SORBS3: variants seen among roughly 807,000 people sequenced by gnomAD.
SORBS3 encodes vinexin.
A neutral mutation model predicts 98.0 loss-of-function variants in SORBS3; 69 were observed. That is an observed-to-expected ratio of 0.70 (90% confidence interval 0.58 to 0.86). The LOEUF (loss-of-function observed/expected upper bound fraction) is 0.86. Among genes scored for constraint, SORBS3 ranks in the 40% least tolerant of loss-of-function variants. The pLI, the probability that SORBS3 is intolerant of heterozygous loss-of-function variation, is 0.00. For missense variants in SORBS3, 954 were observed against 908.5 expected (o/e 1.05, Z -0.64); for synonymous variants, 394 against 355.4 (o/e 1.11, Z -1.22).
At position 22,572,751 on chromosome 8, in the gene SORBS3, C is replaced by T. The variant is rs1278758498; in HGVS notation, c.1954+305C>T. ...TCCAGAGCTCTGCCTCTTCCTCCTG[C>T]ACACCCCTGCCTCGAGCAGCCCTGG... is the stretch of plus-strand genomic sequence containing the variant. On this transcript the variant is annotated intron_variant, in intron 20 of 20. Transcript: ENST00000240123. Among the ~76,000 whole-genome samples the T allele has an allele frequency of 3.3e-5, 5 of 152,218 alleles. No individual in the cohort carries two copies. The East Asian group carries it at 9.6e-4, about 29-fold the overall frequency.
Position 22,569,153 on chromosome 8 carries a change from G to T in SORBS3, c.1311G>T (p.Leu437=), listed in dbSNP as rs778971037. The change falls in exon 17 of 21, where the codon CTG becomes CTT. Residue 437 remains leucine (L), a synonymous_variant. Coordinates refer to ENST00000240123, the MANE Select transcript of SORBS3 (RefSeq NM_005775.5). ...CATGACCTTTCTTCATGCAGGTGCT[G>T]CCCGCAGATGAGATCCCTAAGCCCA... ...GIFPANYVEV[L]PADEIPKPIK... is the part of the protein sequence containing the mutation. 59 of 1,603,268 alleles carry T rather than the reference G, an allele frequency of 3.7e-5. No homozygotes were observed. The highest frequency in any genetic ancestry group is 4.9e-5 in the Non-Finnish European group (57 of 1,174,730).
At chr8:22,568,992 C>T (rs1281293826) in intron 16 of SORBS3, among the ~76,000 whole-genome samples, 156 bp from the exon 17 acceptor site, 1 of 152,260 alleles carries the variant, frequency 6.6e-6, no homozygotes, top group Non-Finnish European at 1.5e-5. Context: ...TTTGGCTGTG[C>T]CCACCCGTGG....
At chr8:22,565,491 C>T (rs1840389063) in intron 11 of SORBS3, 137 bp downstream of exon 11, 2 of 672,154 alleles carry the variant, frequency 3.0e-6, no homozygotes, top group Non-Finnish European at 2.2e-6. Flanking sequence ...CGGCCTCGGG[C>T]CCTCCTGGGC....
chr8:22,565,809 G>A lies in SORBS3; in HGVS notation c.904-17G>A, dbSNP rs984848182. ...TCCCGGGGTCGCGGGCCCTGATTGC[G>A]CCGTTTCCCCGCGCAGAGCTCGCCG... On this transcript the variant is annotated splice_polypyrimidine_tract_variant and intron_variant, in intron 11 of 20. Transcript: ENST00000240123. 62 of 1,316,674 alleles carry A rather than the reference G, an allele frequency of 4.7e-5. No individual in the cohort carries two copies. In the African/African-American group the frequency reaches 8.2e-4, roughly 17 times the overall value. The allele number at this position is 1,316,674 out of a possible 1,614,324, so 81.6% of individuals were successfully genotyped here.
intron 18 of SORBS3, 31 bp from the exon 19 acceptor site, chr8:22,571,660 TTACATGTACCCATCGTCTTCCTCCCTC>T (rs1463525618): frequency 7.4e-7 from 1 of 1,356,290 alleles, no homozygotes; most frequent in South Asian, 1.2e-5. Flanking sequence ...TCCCTCAGGC[TTACATGTACCCATCGTCTTCCTCCCTC>T]TGACATCCCT....
At chr8:22,564,582 T>C (rs1840365950) in intron 10 of SORBS3, 61 bp downstream of exon 10, 2 of 1,601,500 alleles carry the variant, frequency 1.2e-6, no homozygotes, top group African/African-American at 1.3e-5. Flanking sequence ...AGGGTTTTGG[T>C]GGCCCCAGTA....
intron 17 of SORBS3, 91 bp downstream of exon 17, chr8:22,569,364 A>G (rs1392866269): frequency 5.3e-6 from 6 of 1,126,210 alleles, no homozygotes; most frequent in South Asian, 5.3e-5. Flanking sequence ...TTTTTGAGAC[A>G]GAGTCTCACT....
chr8:22,565,573 C>A, intron 11 of SORBS3: 1 of 635,422 alleles, frequency 1.6e-6, no homozygotes, highest in Non-Finnish European at 2.2e-6. Flanking sequence ...AGGAGCCTTT[C>A]TAAGCGGACT....
intron 16 of SORBS3, among the ~76,000 whole-genome samples, chr8:22,568,764 A>C (rs1465834971): frequency 6.6e-6 from 1 of 152,196 alleles, no homozygotes; most frequent in East Asian, 1.9e-4. Context: ...AGCAGTGAGA[A>C]AAGGGTGAAT....
At chr8:22,562,651 C>G (rs1840319580) in intron 7 of SORBS3, among the ~76,000 whole-genome samples, 1 of 152,184 alleles carries the variant, frequency 6.6e-6, no homozygotes, top group Non-Finnish European at 1.5e-5. Flanking sequence ...TGGGTTTAAG[C>G]CTGTGCACTG....
At chr8:22,545,224 T>A (rs765564393) in intron 1 of SORBS3, 1 of 152,470 alleles carries the variant, frequency 6.6e-6, no homozygotes, top group Admixed American at 6.5e-5. Context: ...CCACAGTCCC[T>A]TTCAGTATTG....
Position 22,575,187 on chromosome 8 carries a change from G to A in SORBS3, c.*459G>A. On this transcript the variant is annotated 3_prime_UTR_variant, in exon 21 of 21. Transcript: ENST00000240123. ...TTCCTCCCAGCACCCCAGCTTGCTG[G>A]CTGCCCTCTTTGCCTTCTGGCCTCC... 1 of 315,806 alleles carries A rather than the reference G, an allele frequency of 3.2e-6. No individual in the cohort carries two copies. Among genetic ancestry groups the A allele is most frequent in the South Asian group, 2.5e-5 (1 of 40,030 alleles). 19.6% of individuals were successfully genotyped at this position (315,806 alleles called of 1,614,324 possible).
chr8:22,556,661 G>T (rs1170385671), intron 3 of SORBS3, 54 bp from the exon 4 acceptor site: 1 of 1,522,644 alleles, frequency 6.6e-7, no homozygotes, highest in Non-Finnish European at 9.1e-7. Context: ...GGACACACAG[G>T]TTCAGGTGGA....
intron 3 of SORBS3, 37 bp from the exon 4 acceptor site, chr8:22,556,677 CT>C (rs1563817003): frequency 4.4e-6 from 7 of 1,595,448 alleles, no homozygotes; most frequent in Admixed American, 1.7e-5. Flanking sequence ...GTGGAGACCC[CT>C]GCCTTTCACT....
At chr8:22,573,463 C>T (rs1231951148) in intron 20 of SORBS3, 1 of 448,072 alleles carries the variant, frequency 2.2e-6, no homozygotes, top group South Asian at 1.6e-5. Context: ...TGAAATGTAG[C>T]TCAAATGAAA....
At chr8:22,569,024 G>A (rs957607988) in intron 16 of SORBS3, 124 bp from the exon 17 acceptor site, 2 of 1,018,548 alleles carry the variant, frequency 2.0e-6, no homozygotes, top group Non-Finnish European at 2.7e-6. Context: ...GCTTGTGTCT[G>A]GTGTTTATAT....
At chr8:22,561,456 C>A in intron 6 of SORBS3, 83 bp downstream of exon 6, 3 of 1,509,486 alleles carry the variant, frequency 2.0e-6, no homozygotes, top group Non-Finnish European at 2.8e-6. Flanking sequence ...GCAGCCCCGC[C>A]TGGCTTTGGG....
intron 4 of SORBS3, 124 bp from the exon 5 acceptor site, chr8:22,558,005 C>G: frequency 1.2e-6 from 1 of 856,508 alleles, no homozygotes. Context: ...GAAGCATTTC[C>G]CAGCCCACCT....
At chr8:22,571,632 C>A (rs141560402) in intron 18 of SORBS3, 86 bp from the exon 19 acceptor site, 48 of 977,930 alleles carry the variant, frequency 4.9e-5, no homozygotes, top group Middle Eastern at 2.1e-4. Flanking sequence ...GGACTGGGAA[C>A]GCCCATTTTG....
Sources: allele counts gnomAD v4.1 joint callset (sites outside exome capture counted in the v4.1 genomes callset), GRCh38; gene constraint gnomAD v4.1.1; transcripts MANE v1.5; gene names NCBI Gene and HGNC (gene_info 2026-07-23, HGNC 2026-07-21).